Variants in FANCG observed in about 807,000 individuals in gnomAD.
FANCG encodes Fanconi anemia group G protein.
FANCG carries 67 observed loss-of-function variants against 73.3 expected under a neutral mutation model. That is an observed-to-expected ratio of 0.91 (90% CI 0.75 to 1.12). The LOEUF (loss-of-function observed/expected upper bound fraction) is 1.12, where lower values mean the gene tolerates loss of function less well. FANCG is among the 50% of genes most tolerant of loss of function. The pLI is 0.00. For missense variants in FANCG, 643 were observed against 735.6 expected, an observed-to-expected ratio of 0.87 and a Z score of 1.46; for synonymous variants, 297 against 311.6, an observed-to-expected ratio of 0.95 and a Z score of 0.49.
Position 35,076,878 on chromosome 9 carries a change from G to A in FANCG, c.778-8C>T. On this transcript the variant is annotated splice_region_variant and splice_polypyrimidine_tract_variant and intron_variant, in intron 6 of 13. Transcript: ENST00000378643. ...TGCTCTCTGTGGATTTCCCTAAAGG[G>A]ATAGGAGGACACGGGCCTCAGCTAC... The A allele has an allele frequency of 1.2e-6, 2 of 1,614,218 alleles. No individual in the cohort carries two copies. Among genetic ancestry groups the A allele is most frequent in the East Asian group, 4.5e-5 (2 of 44,878 alleles).
chr9:35,077,461 C>T, intron 4 of FANCG, 62 bp from the exon 5 acceptor site: 1 of 1,607,566 alleles, frequency 6.2e-7, no homozygotes, highest in Non-Finnish European at 8.5e-7. Flanking sequence ...CTCCTATCTC[C>T]ATCTATCCTG....
Position 35,078,329 on chromosome 9 carries a change from C to T in FANCG, c.322G>A (p.Glu108Lys), listed in dbSNP as rs1563987215. 6.2e-7 allele frequency: 1 copy of T among 1,613,522 alleles called. No individual in the cohort carries two copies. ...RSLERVLETQEQQGPRLEQGL... is the reference protein window; with the variant it reads ...RSLERVLETQKQQGPRLEQGL... ...TGTTCCAACCTGGGCCCCTGCTGCT[C>T]CTGTGTCTCCAGCACTGTAGAGTAT... Residue 108 changes from glutamate to lysine, a missense_variant, in exon 4 of 14, where the codon GAG (glutamate) becomes AAG (lysine). Coordinates refer to ENST00000378643, the MANE Select transcript of FANCG (RefSeq NM_004629.2).
At chr9:35,078,533 C>A in intron 3 of FANCG, 72 bp downstream of exon 3, 5 of 1,603,520 alleles carry the variant, frequency 3.1e-6, no homozygotes, top group Non-Finnish European at 4.3e-6. Context: ...TGTTTATCCT[C>A]CCATCTCCCT....
Position 35,077,021 on chromosome 9 carries a change from G to C in FANCG, c.727C>G (p.Pro243Ala), listed in dbSNP as rs758890508. ...GCTGTGTACACCTGGACCAACACAG[G>C]CCGTGGACACAGGCCTGAGGCCGCT... ...HEAASGLCPR[P>A]VLVQVYTALG... is the part of the protein sequence containing the mutation. The change falls in exon 6 of 14, where the codon CCT becomes GCT. Residue 243 changes from proline (P) to alanine (A), a missense_variant. Physicochemically the swap from Pro to Ala is conservative, Grantham distance 27. Coordinates refer to ENST00000378643, the MANE Select transcript of FANCG (RefSeq NM_004629.2). The C allele has an allele frequency of 1.9e-6, 3 of 1,614,208 alleles. No homozygotes were observed. Among genetic ancestry groups the C allele is most frequent in the Non-Finnish European group, 2.5e-6 (3 of 1,180,040 alleles).
chr9:35,076,524 T>C lies in FANCG; in HGVS notation c.984A>G (p.Leu328=), dbSNP rs375991144. The change falls in exon 8 of 14, where the codon CTA becomes CTG. Residue 328 remains leucine (L), a synonymous_variant. Transcript: ENST00000378643. ...APQFLIEVEL[L]LPPPDLASPL... is the part of the protein sequence containing the mutation. ...GTGAGGCTAGGTCAGGTGGTGGCAG[T>C]AGTAATTCTACCTCAATGAGAAACT... is the stretch of plus-strand genomic sequence containing the variant. The C allele has an allele frequency of 6.2e-7, 1 of 1,614,150 alleles. No individual in the cohort carries two copies.
rs749657888 is a variant in FANCG at position 35,076,478 on chromosome 9, T to C, written c.1030A>G (p.Ser344Gly). The C allele has an allele frequency of 4.0e-5, 65 of 1,614,040 alleles. No individual in the cohort carries two copies. Among genetic ancestry groups the C allele is most frequent in the Non-Finnish European group, 5.5e-5 (65 of 1,180,038 alleles). ...CTTGCTAGTATGTGCTTGGTCTGGC[T>C]CTGAGTGCCACAATGAAGGGGTGAG... ...LASPLHCGTQ[S>G]QTKHILASRC... The change falls in exon 8 of 14, where the codon AGC becomes GGC. Residue 344 changes from serine (S) to glycine (G), a missense_variant. Coordinates refer to ENST00000378643, the MANE Select transcript of FANCG (RefSeq NM_004629.2).
rs1354389163 is a variant in FANCG at position 35,079,606 on chromosome 9, G to T, written c.-82C>A. The T allele has an allele frequency of 2.1e-6, 3 of 1,419,466 alleles. No individual in the cohort carries two copies. The highest frequency in any genetic ancestry group is 1.8e-4 in the Middle Eastern group (1 of 5,454). The allele number at this position is 1,419,466 out of a possible 1,614,324, so 87.9% of individuals were successfully genotyped here. A position where few individuals can be genotyped will look rare whatever the true frequency, so the allele number is the denominator to read the frequency against. On this transcript the variant is annotated 5_prime_UTR_variant, in exon 1 of 14. Transcript: ENST00000378643. ...CTGCCCAAGCTCCCAACCCCAGCGG[G>T]GAGGGGCCTGGGCACTTCTGCACCC...
In FANCG at chr9:35,075,454, C is replaced by T. The variant is rs779268127; in HGVS notation, c.1433+11G>A. The T allele has an allele frequency of 1.2e-6, 2 of 1,613,966 alleles. No individual in the cohort carries two copies. Among genetic ancestry groups the T allele is most frequent in the Non-Finnish European group, 1.7e-6 (2 of 1,180,038 alleles). On this transcript the variant is annotated intron_variant, in intron 10 of 13. Coordinates refer to ENST00000378643, the MANE Select transcript of FANCG (RefSeq NM_004629.2). ...CATCCCTCCACACCCCCTCTAGGAC[C>T]CCGGGCTCACCTGCTAAATTCACTA...
chr9:35,075,028 A>G lies in FANCG; in HGVS notation c.1535T>C (p.Leu512Pro). Residue 512 changes from leucine (L) to proline (P), a missense_variant, in exon 12 of 14, where the codon CTT (leucine) becomes CCT (proline). Physicochemically the swap from Leu to Pro is moderately conservative, Grantham distance 98 (BLOSUM62 -3). Coordinates refer to ENST00000378643, the MANE Select transcript of FANCG (RefSeq NM_004629.2). ...ACGACTAATTAGGGCGGCTGCCCGA[A>G]GCTGCTGCAGTGCCGCATCTGACTT... ...GCKSDAALQQ[L>P]RAAALISRGL... 6.2e-7 allele frequency: 1 copy of G among 1,614,226 alleles called. No homozygotes were observed. Among genetic ancestry groups the G allele is most frequent in the East Asian group, 2.2e-5 (1 of 44,888 alleles).
chr9:35,074,884 C>A, intron 12 of FANCG, 43 bp downstream of exon 12: 1 of 1,612,362 alleles, frequency 6.2e-7, no homozygotes, highest in South Asian at 1.1e-5. Context: ...CCTCTCTGTC[C>A]TTGCACATCT....
Position 35,075,571 on chromosome 9 carries a change from T to C in FANCG, c.1327A>G (p.Lys443Glu). 6.2e-7 allele frequency: 1 copy of C among 1,613,830 alleles called. No individual in the cohort carries two copies. Residue 443 changes from lysine to glutamate, a missense_variant, in exon 10 of 14, where the codon AAG becomes GAG. Coordinates refer to ENST00000378643, the MANE Select transcript of FANCG (RefSeq NM_004629.2). The part of the protein sequence containing the change: ...RLWEDARKGT[K>E]ELPYCPLWVS... ...CAGAGTGGGCAGTATGGCAGTTCCT[T>C]GGTTCCTTTTCTGGCATCTTCCCAC...
In FANCG at chr9:35,077,495, C is replaced by G. The variant is rs563834072; in HGVS notation, c.511-96G>C. 539 of 1,494,414 alleles carry G rather than the reference C, an allele frequency of 3.6e-4. 6 individuals carry two copies. The South Asian group carries it at 5.8e-3, about 16-fold the overall frequency. The allele number at this position is 1,494,414 out of a possible 1,614,324, so 92.6% of individuals were successfully genotyped here. On this transcript the variant is annotated intron_variant, in intron 4 of 13. Coordinates refer to ENST00000378643, the MANE Select transcript of FANCG (RefSeq NM_004629.2). ...TGGCTAGACCTTGAGCTCAAGGGTC[C>G]TCTTGATCCTTGAGGACACAGGCCT...
intron 1 of FANCG, 55 bp downstream of exon 1, chr9:35,079,386 A>G (rs1829142667): frequency 6.2e-7 from 1 of 1,606,544 alleles, no homozygotes; most frequent in Non-Finnish European, 8.5e-7. Flanking sequence ...TCCACTGCAA[A>G]CCCGCTTTCA....
intron 6 of FANCG, 46 bp downstream of exon 6, chr9:35,076,925 A>AC (rs773211587): frequency 1.9e-6 from 3 of 1,613,944 alleles, no homozygotes; most frequent in African/African-American, 2.7e-5. Flanking sequence ...AAAAAGCTAT[A>AC]CATAATGCTT....
In FANCG at chr9:35,076,592, GAA is replaced by G. The variant is rs1466215968; in HGVS notation, c.925-11_925-10del. 6.2e-7 allele frequency: 1 copy of G among 1,614,038 alleles called. No individual in the cohort carries two copies. Among genetic ancestry groups the G allele is most frequent in the Non-Finnish European group, 8.5e-7 (1 of 1,179,984 alleles). ...CATGGGACATTCAAGGCCTAAAAGA[GAA>G]AGAAAAAAATTGTATCTATAATCTT... On this transcript the variant is annotated splice_polypyrimidine_tract_variant and intron_variant, in intron 7 of 13. Transcript: ENST00000378643.
Position 35,076,757 on chromosome 9 carries a change from T to C in FANCG, c.891A>G (p.Thr297=). 1 of 1,614,212 alleles carries C rather than the reference T, an allele frequency of 6.2e-7. No individual in the cohort carries two copies. Among genetic ancestry groups the C allele is most frequent in the Non-Finnish European group, 8.5e-7 (1 of 1,180,040 alleles). ...SRLYQQLGDT[T]AELESLELLV... is the part of the protein sequence containing the mutation. ...GCAGCTCCAGACTCTCCAGCTCTGCTGTTGTGTCCCCCAGTTGCTGATAGA... is the reference window on the plus strand; with the variant it reads ...GCAGCTCCAGACTCTCCAGCTCTGCCGTTGTGTCCCCCAGTTGCTGATAGA... Residue 297 remains threonine, a synonymous_variant, in exon 7 of 14, where the codon ACA becomes ACG. Coordinates refer to ENST00000378643, the MANE Select transcript of FANCG (RefSeq NM_004629.2).
Position 35,075,300 on chromosome 9 carries a change from T to G in FANCG, c.1459A>C (p.Thr487Pro), listed in dbSNP as rs1414696119. The G allele has an allele frequency of 3.1e-6, 5 of 1,614,138 alleles. No homozygotes were observed. Among genetic ancestry groups the G allele is most frequent in the Non-Finnish European group, 4.2e-6 (5 of 1,180,026 alleles). Residue 487 changes from threonine (T) to proline (P), a missense_variant, in exon 11 of 14, where the codon ACA becomes CCA. Transcript: ENST00000378643. ...SRCLELLFRA[T>P]PEEKEQGAAF... ...TCACCTTGTTCTTTTTCCTCAGGTG[T>G]GGCCCGGAAGAGCAGCTCGAGGCAC...
intron 1 of FANCG, 73 bp from the exon 2 acceptor site, chr9:35,079,314 C>T (rs755536866): frequency 9.8e-6 from 15 of 1,537,344 alleles, no homozygotes; most frequent in African/African-American, 2.7e-5. Flanking sequence ...GCAAGGGATG[C>T]ATTCTCCAGT....
At chr9:35,077,456 A>G in intron 4 of FANCG, 57 bp from the exon 5 acceptor site, 1 of 1,608,626 alleles carries the variant, frequency 6.2e-7, no homozygotes, top group East Asian at 2.2e-5. Flanking sequence ...GTCTTCTCCT[A>G]TCTCCATCTA....
Sources: gnomAD v4.1 joint callset for allele counts on GRCh38, gnomAD v4.1.1 for gene constraint, MANE v1.5 for transcripts, NCBI Gene and HGNC (gene_info 2026-07-23, HGNC 2026-07-21) for gene names.